Variants in SUSD6 observed in about 807,000 individuals in gnomAD.
The protein encoded by SUSD6 is sushi domain containing 6.
A neutral mutation model predicts 28.4 loss-of-function variants in SUSD6; 16 were observed. The ratio of observed to expected loss-of-function variants is 0.56; its 90% CI spans 0.38 to 0.86. SUSD6 has a LOEUF of 0.86. SUSD6 is among the 40% of genes least tolerant of loss of function. The pLI is 0.00. For missense variants in SUSD6, 341 were observed against 384.2 expected (o/e 0.89, Z 0.94); for synonymous variants, 147 against 159.6 (o/e 0.92, Z 0.59).
chr14:69,693,504 G>C (rs1886181680), intron 2 of SUSD6, among the ~76,000 whole-genome samples: 1 of 152,158 alleles, frequency 6.6e-6, no homozygotes, highest in Admixed American at 6.5e-5. Flanking sequence ...TGCTTATCCT[G>C]CTCTGTTTTC....
chr14:69,694,110 CA>C (rs1886190468), intron 2 of SUSD6, among the ~76,000 whole-genome samples: 1 of 152,150 alleles, frequency 6.6e-6, no homozygotes, highest in African/African-American at 2.4e-5. Context: ...ATGAGCAGAA[CA>C]AGTCTCTGCC....
chr14:69,660,704 T>A lies in SUSD6; in HGVS notation c.121+1991T>A, dbSNP rs1342752114. 2.0e-5 allele frequency among the ~76,000 whole-genome samples: 3 copies of A among 152,256 alleles called. No homozygotes were observed. The East Asian group carries it at 5.8e-4, about 29-fold the overall frequency. Reference sequence around the variant, plus strand: ...GCTTTTGTAGAACCTTCCAGTTAACTGTTTATATTTTTAAATGGTTGGAAA... The same window carrying A: ...GCTTTTGTAGAACCTTCCAGTTAACAGTTTATATTTTTAAATGGTTGGAAA... On this transcript the variant is annotated intron_variant, in intron 2 of 5. Transcript: ENST00000342745.
chr14:69,703,298 T>C, intron 2 of SUSD6, 97 bp from the exon 3 acceptor site: 2 of 940,158 alleles, frequency 2.1e-6, no homozygotes, highest in Non-Finnish European at 3.3e-6. Context: ...TTCCTCCTCC[T>C]GTGTTTCCTG....
chr14:69,621,161 C>A (rs1885034465), intron 1 of SUSD6, among the ~76,000 whole-genome samples: 1 of 152,076 alleles, frequency 6.6e-6, no homozygotes. Context: ...CTTCCTTGTA[C>A]CCCCTCCTGG....
At chr14:69,708,607 A>AT in intron 4 of SUSD6, 70 bp from the exon 5 acceptor site, 1 of 1,312,564 alleles carries the variant, frequency 7.6e-7, no homozygotes, top group Non-Finnish European at 1.0e-6. Context: ...GGCTGCTATT[A>AT]TTATTATCAT....
At chr14:69,677,554 A>G (rs1381923692) in intron 2 of SUSD6, among the ~76,000 whole-genome samples, 1 of 152,074 alleles carries the variant, frequency 6.6e-6, no homozygotes, top group South Asian at 2.1e-4. Context: ...CTCAAAAAAA[A>G]AAAAAAAAAG....
intron 1 of SUSD6, among the ~76,000 whole-genome samples, chr14:69,613,768 A>G (rs980307288): frequency 1.3e-5 from 2 of 152,234 alleles, no homozygotes; most frequent in African/African-American, 2.4e-5. Context: ...TCTGCAGAGT[A>G]ATTTTTTGGA....
rs1566610379 is a variant in SUSD6 at position 69,713,438 on chromosome 14, TGCAGGAGCTCA to T, written c.*2460_*2470del. 6.6e-6 allele frequency: 1 copy of T among 152,274 alleles called. No homozygotes were observed. The highest frequency in any genetic ancestry group is 1.5e-5 in the Non-Finnish European group (1 of 68,090). 9.4% of individuals were successfully genotyped at this position (152,274 alleles called of 1,614,324 possible). On this transcript the variant is annotated 3_prime_UTR_variant, in exon 6 of 6. Coordinates refer to ENST00000342745, the MANE Select transcript of SUSD6 (RefSeq NM_014734.4). ...TCCCAGAGGCTCCTGGGCCTGTGAGTGCAGGAGCTCATTCTCCCCTCACTGCTGAAGTCTGT... is the reference window on the plus strand; with the variant it reads ...TCCCAGAGGCTCCTGGGCCTGTGAGTTTCTCCCCTCACTGCTGAAGTCTGT...
At chr14:69,656,692 A>G (rs556381583) in intron 1 of SUSD6, among the ~76,000 whole-genome samples, 55 of 152,226 alleles carry the variant, frequency 3.6e-4, no homozygotes, top group African/African-American at 1.3e-3. Flanking sequence ...CCTTACATCA[A>G]CTCTACGAAG....
intron 4 of SUSD6, among the ~76,000 whole-genome samples, chr14:69,705,585 G>A (rs553592914): frequency 6.6e-6 from 1 of 152,148 alleles, no homozygotes; most frequent in African/African-American, 2.4e-5. Flanking sequence ...AGGCACCTGG[G>A]GGAGTTTAAA....
In SUSD6 at chr14:69,659,505, T is replaced by TTTTG. The variant is rs143739135; in HGVS notation, c.121+820_121+823dup. Reference sequence around the variant, plus strand: ...GGGCTAGACATGCCCCATTGAGCCTTTTTGTTTGTTTGTTTGTTTGTTTGT... The same window carrying TTTTG: ...GGGCTAGACATGCCCCATTGAGCCTTTTTGTTTGTTTGTTTGTTTGTTTGTTTGT... On this transcript the variant is annotated intron_variant, in intron 2 of 5. Transcript: ENST00000342745. 2.9e-3 allele frequency among the ~76,000 whole-genome samples: 437 copies of TTTTG among 152,016 alleles called. 4 individuals carry two copies. Among genetic ancestry groups the TTTTG allele is most frequent in the South Asian group, 0.017 (84 of 4,802 alleles).
chr14:69,628,000 C>G (rs1424496114), intron 1 of SUSD6, among the ~76,000 whole-genome samples: 3 of 151,274 alleles, frequency 2.0e-5, no homozygotes, highest in African/African-American at 7.3e-5. Flanking sequence ...GTGGCGCGAT[C>G]TTGACTCACT....
At chr14:69,707,158 T>C (rs1347451155) in intron 4 of SUSD6, among the ~76,000 whole-genome samples, 1 of 152,174 alleles carries the variant, frequency 6.6e-6, no homozygotes. Flanking sequence ...GCAGCTGAAG[T>C]AGATATATTT....
chr14:69,653,057 CAG>C (rs1264043733), intron 1 of SUSD6, among the ~76,000 whole-genome samples: 24 of 152,256 alleles, frequency 1.6e-4, no homozygotes, highest in African/African-American at 4.1e-4. Flanking sequence ...AATGAGGAAA[CAG>C]GGGCAGAGAT....
At chr14:69,636,033 G>A (rs1474418826) in intron 1 of SUSD6, among the ~76,000 whole-genome samples, 1 of 152,210 alleles carries the variant, frequency 6.6e-6, no homozygotes, top group Non-Finnish European at 1.5e-5. Context: ...TTCTCTTTCT[G>A]CACAGTTTTT....
intron 2 of SUSD6, among the ~76,000 whole-genome samples, chr14:69,669,284 G>C (rs1028100323): frequency 2.6e-5 from 4 of 151,914 alleles, no homozygotes; most frequent in Non-Finnish European, 5.9e-5. Flanking sequence ...GGATGGTCTC[G>C]ATCTCTTGAC....
intron 2 of SUSD6, among the ~76,000 whole-genome samples, chr14:69,696,150 G>C (rs1310104598): frequency 6.6e-6 from 1 of 152,192 alleles, no homozygotes; most frequent in African/African-American, 2.4e-5. Flanking sequence ...AGCAGGCCCC[G>C]GCTTAACTGA....
chr14:69,639,020 G>T (rs1042363680), intron 1 of SUSD6, among the ~76,000 whole-genome samples: 1 of 152,130 alleles, frequency 6.6e-6, no homozygotes, highest in Non-Finnish European at 1.5e-5. Flanking sequence ...TTTCTCTTTG[G>T]ATCATTAGAA....
intron 2 of SUSD6, among the ~76,000 whole-genome samples, chr14:69,679,578 CTTT>C (rs59195061): frequency 1.4e-5 from 2 of 138,308 alleles, no homozygotes. Context: ...GTTTATTTTG[CTTT>C]TTTTTTTTTT....
Sources: gnomAD v4.1 joint callset for allele counts (sites outside exome capture counted in the v4.1 genomes callset) on GRCh38, gnomAD v4.1.1 for gene constraint, MANE v1.5 for transcripts, NCBI Gene and HGNC (gene_info 2026-07-23, HGNC 2026-07-21) for gene names.